DPF3: variants seen among roughly 807,000 people sequenced by gnomAD.
DPF3 encodes the protein zinc finger protein DPF3.
A neutral mutation model predicts 56.8 loss-of-function variants in DPF3; 18 were observed. The ratio of observed to expected loss-of-function variants is 0.32; its 90% CI spans 0.22 to 0.47. The LOEUF (loss-of-function observed/expected upper bound fraction) is 0.47, where lower values mean the gene tolerates loss of function less well. DPF3 is among the 20% of genes least tolerant of loss of function. The probability of loss-of-function intolerance (pLI) is 1.00; values close to 1 mark genes in which losing one functional copy is unlikely to be tolerated. For missense variants in DPF3, 403 were observed against 488.8 expected (o/e 0.82, Z 1.65); for synonymous variants, 188 against 180.2 (o/e 1.04, Z -0.35).
chr14:72,671,894 T>C (rs987798376), intron 8 of DPF3, among the ~76,000 whole-genome samples: 1 of 152,220 alleles, frequency 6.6e-6, no homozygotes, highest in African/African-American at 2.4e-5. Flanking sequence ...CCTTACGCCA[T>C]GTCGTTCATT....
At chr14:72,891,329 G>A (rs1182357493) in intron 1 of DPF3, among the ~76,000 whole-genome samples, 1 of 134,552 alleles carries the variant, frequency 7.4e-6, no homozygotes, top group Non-Finnish European at 1.5e-5. Flanking sequence ...TTTTTTTGGA[G>A]GGAAGAGAGA....
intron 8 of DPF3, among the ~76,000 whole-genome samples, chr14:72,656,332 A>C (rs1235346589): frequency 6.6e-6 from 1 of 152,174 alleles, no homozygotes. Context: ...CTTGGTTATC[A>C]TGCTTTCTTA....
chr14:72,763,397 T>C (rs951402999), intron 2 of DPF3, among the ~76,000 whole-genome samples: 9 of 152,214 alleles, frequency 5.9e-5, no homozygotes, highest in African/African-American at 2.2e-4. Context: ...AGTATAAAGA[T>C]AGACAAATAG....
chr14:72,653,877 T>C (rs1254398633), intron 8 of DPF3, among the ~76,000 whole-genome samples: 1 of 152,156 alleles, frequency 6.6e-6, no homozygotes, highest in African/African-American at 2.4e-5. Flanking sequence ...GTTGGGTAAA[T>C]ATCACCCAGA....
At chr14:72,692,805 G>C (rs1887746464) in intron 7 of DPF3, among the ~76,000 whole-genome samples, 1 of 152,192 alleles carries the variant, frequency 6.6e-6, no homozygotes, top group South Asian at 2.1e-4. Flanking sequence ...GGCCAGGTAA[G>C]GACTTTCTCT....
At chr14:72,672,008 A>T (rs1886696581) in intron 8 of DPF3, among the ~76,000 whole-genome samples, 1 of 151,834 alleles carries the variant, frequency 6.6e-6, no homozygotes, top group Non-Finnish European at 1.5e-5. Flanking sequence ...CTGCATCCAC[A>T]TACATGTGCA....
At chr14:72,644,754 C>T (rs1885666775) in intron 8 of DPF3, among the ~76,000 whole-genome samples, 1 of 152,218 alleles carries the variant, frequency 6.6e-6, no homozygotes, top group Non-Finnish European at 1.5e-5. Flanking sequence ...CAGTGACAAA[C>T]TCCATTCCAT....
intron 8 of DPF3, among the ~76,000 whole-genome samples, chr14:72,672,062 C>CAG (rs1555494762): frequency 9.5e-5 from 12 of 126,972 alleles, no homozygotes; most frequent in African/African-American, 3.4e-4. Context: ...CACACACAGA[C>CAG]ACACACACAC....
At chr14:72,808,543 T>C (rs945875096) in intron 1 of DPF3, among the ~76,000 whole-genome samples, 14 of 152,192 alleles carry the variant, frequency 9.2e-5, no homozygotes, top group African/African-American at 3.4e-4. Context: ...GAACTTTGCA[T>C]TCCAAGGACA....
intron 1 of DPF3, among the ~76,000 whole-genome samples, chr14:72,790,577 G>A (rs1456099623): frequency 1.3e-5 from 2 of 152,194 alleles, no homozygotes; most frequent in African/African-American, 4.8e-5. Flanking sequence ...ATGAGGTAGA[G>A]AATATTGTCT....
At position 72,686,914 on chromosome 14, in the gene DPF3, T is replaced by C. The variant is rs1887436379; in HGVS notation, c.742+6162A>G. ...TGTTTCAAAGGTAATTTTCACTCTA[T>C]CTCTTAAAGCTTTTGGCCGCCCTCA... On this transcript the variant is annotated intron_variant, in intron 7 of 10. Transcript: ENST00000556509. Among the ~76,000 whole-genome samples, 3 of 152,222 alleles carry C rather than the reference T, an allele frequency of 2.0e-5. 1 individual carries two copies. The South Asian group carries it at 6.2e-4, about 31-fold the overall frequency.
chr14:72,838,099 T>C (rs1884372473), intron 1 of DPF3, among the ~76,000 whole-genome samples: 1 of 152,120 alleles, frequency 6.6e-6, no homozygotes, highest in Non-Finnish European at 1.5e-5. Flanking sequence ...AGAGAGGGTG[T>C]GAGGGCCAGG....
chr14:72,805,254 T>C (rs1882714166), intron 1 of DPF3, among the ~76,000 whole-genome samples: 1 of 152,006 alleles, frequency 6.6e-6, no homozygotes, highest in Non-Finnish European at 1.5e-5. Flanking sequence ...GCAGATCACC[T>C]GAGGTCGGGA....
chr14:72,621,220 T>A (rs1462887357), intron 9 of DPF3, among the ~76,000 whole-genome samples: 1 of 152,196 alleles, frequency 6.6e-6, no homozygotes, highest in Non-Finnish European at 1.5e-5. Flanking sequence ...TTCCACCCTT[T>A]ATCCCCTTTA....
intron 1 of DPF3, among the ~76,000 whole-genome samples, chr14:72,816,026 G>A (rs1351157260): frequency 6.6e-6 from 1 of 152,214 alleles, no homozygotes; most frequent in Non-Finnish European, 1.5e-5. Context: ...GAGATTCAGA[G>A]AGATCCAATA....
At chr14:72,804,837 C>T (rs1316641597) in intron 1 of DPF3, among the ~76,000 whole-genome samples, 1 of 152,102 alleles carries the variant, frequency 6.6e-6, no homozygotes, top group Admixed American at 6.6e-5. Flanking sequence ...TGGGAGGTGT[C>T]ATGGAAGACA....
chr14:72,717,242 C>T (rs2153576079), intron 5 of DPF3, among the ~76,000 whole-genome samples: 1 of 152,366 alleles, frequency 6.6e-6, no homozygotes, highest in Middle Eastern at 3.4e-3. Flanking sequence ...AGAGCATCCG[C>T]TTAAAGTCAG....
intron 3 of DPF3, among the ~76,000 whole-genome samples, chr14:72,741,141 G>A (rs1890107465): frequency 1.3e-5 from 2 of 152,194 alleles, no homozygotes; most frequent in African/African-American, 4.8e-5. Flanking sequence ...GCAGTGAGCT[G>A]TCTGCAGCAA....
chr14:72,672,879 G>A (rs994580275), intron 8 of DPF3, among the ~76,000 whole-genome samples: 6 of 151,878 alleles, frequency 4.0e-5, no homozygotes, highest in Non-Finnish European at 8.8e-5. Flanking sequence ...CTGATTGCTT[G>A]CTTTTAAAAA....
Sources: allele counts gnomAD v4.1 joint callset (sites outside exome capture counted in the v4.1 genomes callset), GRCh38; gene constraint gnomAD v4.1.1; transcripts MANE v1.5; gene names NCBI Gene and HGNC (gene_info 2026-07-23, HGNC 2026-07-21).